The following DGKK variants were observed in gnomAD, a reference collection of about 807,000 sequenced individuals.
The protein encoded by DGKK is 142 kDa diacylglycerol kinase.
DGKK carries 35 observed loss-of-function variants against 92.2 expected under a neutral mutation model. The observed-to-expected ratio is 0.38, with a 90% CI of 0.29 to 0.50. The LOEUF (loss-of-function observed/expected upper bound fraction) is 0.50. DGKK is among the 20% of genes least tolerant of loss of function. The pLI, the probability that DGKK is intolerant of heterozygous loss-of-function variation, is 0.92. For synonymous variants in DGKK, 368 were observed against 360.6 expected, an observed-to-expected ratio of 1.02 and a Z score of -0.23; for missense variants, 910 against 992.2, an observed-to-expected ratio of 0.92 and a Z score of 1.11.
chrX:50,462,757 T>C (rs5961183), intron 1 of DGKK, among the ~76,000 whole-genome samples: 46,563 of 107,097 alleles, frequency 0.43, 8,853 homozygotes, highest in African/African-American at 0.72. Flanking sequence ...CTTGTTTTAA[T>C]GAAGCTGGGG....
intron 1 of DGKK, among the ~76,000 whole-genome samples, chrX:50,433,794 T>A (rs1557230515): frequency 9.0e-6 from 1 of 111,293 alleles, no homozygotes; most frequent in Non-Finnish European, 1.9e-5. Flanking sequence ...GAGACACCTA[T>A]GGCTACAGCA....
intron 13 of DGKK, 22 bp downstream of exon 13, chrX:50,388,505 T>TGA: frequency 8.5e-7 from 1 of 1,170,104 alleles, no homozygotes; most frequent in African/African-American, 1.8e-5. Context: ...CCCCAAAGGA[T>TGA]GAGAGCCAAA....
intron 10 of DGKK, among the ~76,000 whole-genome samples, chrX:50,392,106 C>T: frequency 8.9e-6 from 1 of 112,386 alleles, no homozygotes. Flanking sequence ...CACTTTGAAG[C>T]CTAGGGAACA....
At chrX:50,469,728 C>T (rs1927005018) in intron 1 of DGKK, among the ~76,000 whole-genome samples, 1 of 112,935 alleles carries the variant, frequency 8.9e-6, no homozygotes. Context: ...TTCCTCCTCT[C>T]TTTCAAGATA....
intron 1 of DGKK, among the ~76,000 whole-genome samples, chrX:50,464,793 TA>T (rs1926852687): frequency 9.0e-6 from 1 of 111,713 alleles, no homozygotes; most frequent in Admixed American, 9.5e-5. Context: ...TTACATACCA[TA>T]AAATTCATCA....
intron 11 of DGKK, among the ~76,000 whole-genome samples, chrX:50,390,825 T>C (rs1924667496): frequency 8.9e-6 from 1 of 112,090 alleles, no homozygotes; most frequent in African/African-American, 3.2e-5. Flanking sequence ...AATGCTCCTA[T>C]ATACACCAGC....
chrX:50,429,545 C>T (rs1020161819), intron 1 of DGKK, among the ~76,000 whole-genome samples: 2 of 111,447 alleles, frequency 1.8e-5, no homozygotes, highest in Non-Finnish European at 3.8e-5. Flanking sequence ...AAAAATTAGC[C>T]GGGCGTGGTG....
intron 25 of DGKK, 44 bp downstream of exon 25, chrX:50,374,927 G>T (rs1557223635): frequency 9.1e-7 from 1 of 1,095,387 alleles, no homozygotes; most frequent in Admixed American, 2.2e-5. Flanking sequence ...ACCATGTTCA[G>T]ATAGAATACT....
chrX:50,399,134 G>A (rs782194163), intron 8 of DGKK, among the ~76,000 whole-genome samples: 309 of 111,993 alleles, frequency 2.8e-3, no homozygotes, highest in Non-Finnish European at 4.4e-3. Context: ...GGACATATGA[G>A]TATACTTGCC....
At chrX:50,391,336 G>T in intron 11 of DGKK, 101 bp downstream of exon 11, 1 of 1,065,840 alleles carries the variant, frequency 9.4e-7, no homozygotes, top group Non-Finnish European at 1.3e-6. Context: ...GAAAGGAAAT[G>T]AGGCTCTATC....
At chrX:50,381,756 G>A (rs1370842048) in intron 18 of DGKK, among the ~76,000 whole-genome samples, 6 of 111,881 alleles carry the variant, frequency 5.4e-5, no homozygotes, top group Non-Finnish European at 7.5e-5. Context: ...CAATTGGACC[G>A]CCTTAGAATT....
At chrX:50,371,562 T>C (rs138425784) in intron 26 of DGKK, among the ~76,000 whole-genome samples, 162 bp downstream of exon 26, 4 of 111,737 alleles carry the variant, frequency 3.6e-5, no homozygotes, top group Non-Finnish European at 5.6e-5. Context: ...GATGAAGAGA[T>C]TGGGGGGAGG....
At chrX:50,463,851 G>C (rs1415231826) in intron 1 of DGKK, among the ~76,000 whole-genome samples, 1 of 110,416 alleles carries the variant, frequency 9.1e-6, no homozygotes, top group Non-Finnish European at 1.9e-5. Context: ...TTGAGGCTGA[G>C]AATACTTTTG....
chrX:50,470,335 G>C lies in DGKK; in HGVS notation c.344C>G (p.Pro115Arg), dbSNP rs1557234414. ...TGGGGCAGACTCTGTGGCAGGTTCT[G>C]GGGCCGGTTCTGGGGCCGGCTCTGT... ...PATEPAPEPA[P>R]EPATESAPEP... The change falls in exon 1 of 28, where the codon CCA becomes CGA. Residue 115 changes from proline to arginine, a missense_variant. Pro to Arg is a moderately radical substitution (Grantham distance 103). Transcript: ENST00000611977. 9.9e-6 allele frequency: 12 copies of C among 1,209,510 alleles called. No homozygotes were observed. The highest frequency in any genetic ancestry group is 1.3e-5 in the Non-Finnish European group (12 of 894,765).
At position 50,451,967 on chromosome X, in the gene DGKK, T is replaced by C. The variant is rs145846471; in HGVS notation, c.645+18067A>G. 8.5e-3 allele frequency among the ~76,000 whole-genome samples: 951 copies of C among 112,237 alleles called. 5 individuals are homozygous for C. The highest frequency in any genetic ancestry group is 0.037 in the Middle Eastern group (8 of 218). On this transcript the variant is annotated intron_variant, in intron 1 of 27. Coordinates refer to ENST00000611977, the MANE Select transcript of DGKK (RefSeq NM_001013742.4). ...CCAGAGGTCATGAGCAAGTATAGCA[T>C]TTGCTTGAAACAAAATCAGTGTTCT...
chrX:50,371,091 A>G (rs1451070130), intron 26 of DGKK, among the ~76,000 whole-genome samples: 1 of 112,786 alleles, frequency 8.9e-6, no homozygotes, highest in East Asian at 2.8e-4. Context: ...CATAACTCTT[A>G]ATTATGAACT....
intron 1 of DGKK, among the ~76,000 whole-genome samples, chrX:50,440,901 T>A (rs782692690): frequency 2.7e-5 from 3 of 111,593 alleles, no homozygotes; most frequent in Non-Finnish European, 5.7e-5. Context: ...GAGTATAGAG[T>A]AGGTGGGCAT....
In DGKK at chrX:50,433,784, G is replaced by A. The variant is rs781948374; in HGVS notation, c.646-9426C>T. Among the ~76,000 whole-genome samples the A allele has an allele frequency of 1.9e-4, 21 of 111,307 alleles. No individual in the cohort carries two copies. In the South Asian group the frequency reaches 6.7e-3, roughly 35 times the overall value. On this transcript the variant is annotated intron_variant, in intron 1 of 27. Coordinates refer to ENST00000611977, the MANE Select transcript of DGKK (RefSeq NM_001013742.4). Reference sequence around the variant, plus strand: ...AATAGTATAAGTGGAAGCTTCATGGGAGACACCTATGGCTACAGCAGTAGT... The same window carrying A: ...AATAGTATAAGTGGAAGCTTCATGGAAGACACCTATGGCTACAGCAGTAGT...
intron 14 of DGKK, among the ~76,000 whole-genome samples, chrX:50,387,094 G>C (rs947566248): frequency 9.0e-6 from 1 of 111,328 alleles, no homozygotes; most frequent in Admixed American, 9.5e-5. Context: ...TTTCTTAACC[G>C]CTTTGTGCCT....
Sources: allele counts gnomAD v4.1 joint callset (sites outside exome capture counted in the v4.1 genomes callset), GRCh38; gene constraint gnomAD v4.1.1; transcripts MANE v1.5; gene names NCBI Gene and HGNC (gene_info 2026-07-23, HGNC 2026-07-21).